LTF: variants seen among roughly 807,000 people sequenced by gnomAD.
LTF encodes lactotransferrin, also known as epididymis luminal protein 110.
LTF carries 91 observed loss-of-function variants against 87.2 expected under a neutral mutation model. The observed-to-expected ratio is 1.04, with a 90% CI of 0.88 to 1.24. The LOEUF is 1.24. Ranked by LOEUF, LTF falls within the 50% of genes most tolerant of loss-of-function variation. The pLI is 0.00. For synonymous variants in LTF, 378 were observed against 356.1 expected (o/e 1.06, Z -0.69); for missense variants, 901 against 904.3 (o/e 1.00, Z 0.05).
At chr3:46,464,970 A>T (rs1703178764), upstream of LTF, 11 of 1,130,082 alleles carry the variant, frequency 9.7e-6, no homozygotes, top group South Asian at 1.5e-4. Context: ...CCCAATAGAC[A>T]CCCCTTCCCT....
chr3:46,481,071 A>C (rs1171697956), intron 1 of LTF, among the ~76,000 whole-genome samples: 2 of 152,150 alleles, frequency 1.3e-5, no homozygotes, highest in African/African-American at 4.8e-5. Flanking sequence ...GCCCTGGTGC[A>C]TGATGTCTCT....
At position 46,445,431 on chromosome 3, in the gene LTF, G is replaced by T. The variant is rs985336157; in HGVS notation, c.1363C>A (p.Leu455Ile). 1 of 1,611,516 alleles carries T rather than the reference G, an allele frequency of 6.2e-7. No homozygotes were observed. Among genetic ancestry groups the T allele is most frequent in the East Asian group, 2.2e-5 (1 of 44,780 alleles). Residue 455 changes from leucine (L) to isoleucine (I), a missense_variant, in exon 12 of 17, where the codon CTT becomes ATT. Leu to Ile is a conservative substitution (Grantham distance 5). Coordinates refer to ENST00000231751, the MANE Select transcript of LTF (RefSeq NM_002343.6). ...GATCTCCTAACCACCGCCACAGCAAGATATCCTGGCATAACAGATGACAGA... is the reference window on the plus strand; with the variant it reads ...GATCTCCTAACCACCGCCACAGCAATATATCCTGGCATAACAGATGACAGA... ...NCVDRPVEGY[L>I]AVAVVRRSDT...
chr3:46,441,674 T>C (rs1378316372), intron 13 of LTF, 191 bp from the exon 14 acceptor site: 2 of 535,006 alleles, frequency 3.7e-6, no homozygotes, highest in East Asian at 3.2e-5. Context: ...TAAAACCCTA[T>C]ATAAAAGACA....
intron 1 of LTF, among the ~76,000 whole-genome samples, chr3:46,474,732 A>T (rs1329419502): frequency 6.6e-6 from 1 of 152,246 alleles, no homozygotes; most frequent in Non-Finnish European, 1.5e-5. Context: ...TTTTTTAAAA[A>T]TTGAAATCAT....
chr3:46,462,743 G>T (rs779663678), intron 1 of LTF, among the ~76,000 whole-genome samples: 2 of 152,118 alleles, frequency 1.3e-5, no homozygotes, highest in Non-Finnish European at 2.9e-5. Context: ...GCCAACGAAG[G>T]CACCAGGGAA....
chr3:46,478,460 TA>T (rs1157713403), intron 1 of LTF, among the ~76,000 whole-genome samples: 2 of 152,210 alleles, frequency 1.3e-5, no homozygotes, highest in African/African-American at 4.8e-5. Context: ...TCCACAGTGC[TA>T]TCAGCAGGCA....
intron 13 of LTF, chr3:46,441,917 G>C (rs1470884892): frequency 7.9e-6 from 1 of 126,638 alleles, no homozygotes; most frequent in Non-Finnish European, 1.5e-5. Context: ...GAGAGAGAGA[G>C]AGAGAGAGAG....
intron 1 of LTF, among the ~76,000 whole-genome samples, chr3:46,481,208 G>C (rs745823771): frequency 6.6e-6 from 1 of 152,182 alleles, no homozygotes; most frequent in Admixed American, 6.5e-5. Context: ...CTGAGCAAGT[G>C]GTCCTGTAGA....
rs1053078320 is a variant in LTF at position 46,456,295 on chromosome 3, T to C, written c.311A>G (p.Glu104Gly). The change falls in exon 3 of 17, where the codon GAA (glutamate) becomes GGA (glycine). Residue 104 changes from glutamate to glycine, a missense_variant. Physicochemically the swap from Glu to Gly is moderately conservative, Grantham distance 98. Coordinates refer to ENST00000231751, the MANE Select transcript of LTF (RefSeq NM_002343.6). ...RPVAAEVYGT[E>G]RQPRTHYYAV... is the part of the protein sequence containing the mutation. ...GGTCCCCAGGCAGAACTCACGTCTT[T>C]CGGTCCCGTAGACTTCCGCCGCTAC... 1 of 1,613,934 alleles carries C rather than the reference T, an allele frequency of 6.2e-7. No homozygotes were observed. Among genetic ancestry groups the C allele is most frequent in the Non-Finnish European group, 8.5e-7 (1 of 1,179,876 alleles).
intron 12 of LTF, among the ~76,000 whole-genome samples, chr3:46,444,756 T>C (rs1702603969): frequency 6.6e-6 from 1 of 152,072 alleles, no homozygotes; most frequent in Non-Finnish European, 1.5e-5. Flanking sequence ...GCAGGCAGGG[T>C]GTGGCTGATG....
At chr3:46,446,573 G>T in intron 10 of LTF, 80 bp from the exon 11 acceptor site, 3 of 1,236,690 alleles carry the variant, frequency 2.4e-6, no homozygotes, top group Non-Finnish European at 3.5e-6. Context: ...TCTCAATGAT[G>T]CAGAATCAAA....
chr3:46,449,817 AC>A, intron 8 of LTF, 36 bp downstream of exon 8: 1 of 1,611,366 alleles, frequency 6.2e-7, no homozygotes, highest in Non-Finnish European at 8.5e-7. Context: ...AGAAGACCAC[AC>A]CAGGCGGACC....
intron 1 of LTF, chr3:46,470,507 G>T (rs1480160185): frequency 1.3e-5 from 2 of 152,324 alleles, no homozygotes. Flanking sequence ...CTCAGTAGGA[G>T]CCTGAGATGG....
chr3:46,456,497 C>G (rs1205837786), intron 2 of LTF, 99 bp from the exon 3 acceptor site: 1 of 867,228 alleles, frequency 1.2e-6, no homozygotes, highest in Non-Finnish European at 1.9e-6. Flanking sequence ...CTGGAAGGGT[C>G]GTCAAAGGGG....
intron 14 of LTF, among the ~76,000 whole-genome samples, chr3:46,441,192 T>A (rs7609565): frequency 0.078 from 11,896 of 151,772 alleles, 588 homozygotes; most frequent in South Asian, 0.18. Context: ...TGTGTGTGTG[T>A]GAGAGAAAGA....
intron 1 of LTF, among the ~76,000 whole-genome samples, chr3:46,474,411 A>T (rs1703332854): frequency 6.6e-6 from 1 of 152,246 alleles, no homozygotes; most frequent in African/African-American, 2.4e-5. Context: ...TAGAAGTCAT[A>T]ACAATCCTAA....
chr3:46,455,548 C>G (rs1263536175), intron 4 of LTF, 106 bp from the exon 5 acceptor site: 7 of 1,380,494 alleles, frequency 5.1e-6, no homozygotes, highest in Non-Finnish European at 7.0e-6. Context: ...TTCCTCCACC[C>G]CTGCAGGAGA....
intron 1 of LTF, among the ~76,000 whole-genome samples, chr3:46,482,525 G>T (rs368931190): frequency 1.5e-4 from 11 of 74,300 alleles, no homozygotes; most frequent in Non-Finnish European, 2.4e-4. Flanking sequence ...GAAGGGAAGG[G>T]AAGGGAAGGG....
intron 3 of LTF, 112 bp downstream of exon 3, chr3:46,456,178 A>C (rs868855575): frequency 2.0e-6 from 2 of 1,007,814 alleles, no homozygotes; most frequent in African/African-American, 1.6e-5. Flanking sequence ...CATTCCCTAC[A>C]TGTGTGATGT....
Sources: allele counts gnomAD v4.1 joint callset (sites outside exome capture counted in the v4.1 genomes callset), GRCh38; gene constraint gnomAD v4.1.1; transcripts MANE v1.5; gene names NCBI Gene and HGNC (gene_info 2026-07-23, HGNC 2026-07-21).